ASPRV1: variants seen among roughly 807,000 people sequenced by gnomAD.
ASPRV1 encodes the protein retroviral-like aspartic protease 1.
Under a neutral mutation model 11.0 loss-of-function variants are expected in ASPRV1, and 7 were observed. The ratio of observed to expected loss-of-function variants is 0.64; its 90% CI spans 0.36 to 1.20. The LOEUF (loss-of-function observed/expected upper bound fraction) is 1.20. ASPRV1 is among the 50% of genes most tolerant of loss of function. The pLI is 0.02. For missense variants in ASPRV1, 299 were observed against 320.0 expected, an observed-to-expected ratio of 0.93 and a Z score of 0.50; for synonymous variants, 136 against 138.4, an observed-to-expected ratio of 0.98 and a Z score of 0.12.
At chr2:69,988,987 C>G in the ASPRV1 span, 1 of 325,410 alleles carries the variant, frequency 3.1e-6, no homozygotes, top group Non-Finnish European at 6.2e-6. Flanking sequence ...CTAAAGAACA[C>G]TTTTTTTTTC....
At chr2:69,941,253 A>G in the ASPRV1 span, 3 of 152,206 alleles carry the variant, frequency 2.0e-5, no homozygotes, top group Non-Finnish European at 4.4e-5. Context: ...GAAAATATAT[A>G]TGTGTGCTTC....
the ASPRV1 span, chr2:70,077,420 G>T: frequency 2.0e-5 from 3 of 152,004 alleles, no homozygotes; most frequent in Non-Finnish European, 2.9e-5. Context: ...TTGGAAACAT[G>T]TTACTCTATA....
chr2:70,061,815 T>C, the ASPRV1 span, among the ~76,000 whole-genome samples: 1 of 148,550 alleles, frequency 6.7e-6, no homozygotes, highest in Non-Finnish European at 1.5e-5. Flanking sequence ...ACAAAAAATT[T>C]AGCTGGGTGT....
At chr2:69,946,425 C>T in the ASPRV1 span, among the ~76,000 whole-genome samples, 17 of 152,148 alleles carry the variant, frequency 1.1e-4, no homozygotes, top group African/African-American at 1.7e-4. Context: ...TCTGCTGACC[C>T]GGTCTGTAGA....
At chr2:70,082,589 A>G in the ASPRV1 span, among the ~76,000 whole-genome samples, 2 of 152,182 alleles carry the variant, frequency 1.3e-5, no homozygotes, top group African/African-American at 2.4e-5. Flanking sequence ...ACATGCCTGT[A>G]ATCCCAGCTA....
At chr2:70,028,689 C>G in the ASPRV1 span, 1 of 152,286 alleles carries the variant, frequency 6.6e-6, no homozygotes, top group African/African-American at 2.4e-5. Context: ...GTCATAGTCA[C>G]AAGACTGGGT....
the ASPRV1 span, among the ~76,000 whole-genome samples, chr2:70,065,819 CAAAAAAAAAAAAAAAA>C: frequency 4.4e-5 from 3 of 67,446 alleles, no homozygotes; most frequent in Admixed American, 1.8e-4. Flanking sequence ...GCTTTTGACT[CAAAAAAAAAAAAAAAA>C]AAAAAAAAAG....
the ASPRV1 span, among the ~76,000 whole-genome samples, chr2:69,971,642 G>A: frequency 6.6e-6 from 1 of 152,236 alleles, no homozygotes; most frequent in African/African-American, 2.4e-5. Flanking sequence ...AGTGCGGGGT[G>A]CTAAGAGCAT....
At chr2:70,048,184 G>A in the ASPRV1 span, among the ~76,000 whole-genome samples, 1 of 149,952 alleles carries the variant, frequency 6.7e-6, no homozygotes, top group Non-Finnish European at 1.5e-5. Flanking sequence ...GGGAGGCCGA[G>A]GCGGGCAGAT....
chr2:69,999,041 T>C, the ASPRV1 span, among the ~76,000 whole-genome samples: 2 of 152,156 alleles, frequency 1.3e-5, no homozygotes, highest in African/African-American at 4.8e-5. Context: ...TGACAGTGAG[T>C]TAACTCCTTA....
chr2:69,956,463 AGAAGAAGAAGAAGAAAAGAG>A (rs1368382363), downstream of ASPRV1, among the ~76,000 whole-genome samples: 151 of 149,866 alleles, frequency 1.0e-3, no homozygotes, highest in African/African-American at 2.8e-3. Context: ...AAGAAGAAGA[AGAAGAAGAAGAAGAAAAGAG>A]GAAGAAGAAG....
chr2:69,980,440 T>C, the ASPRV1 span, among the ~76,000 whole-genome samples: 1 of 152,212 alleles, frequency 6.6e-6, no homozygotes, highest in Non-Finnish European at 1.5e-5. Flanking sequence ...TATAAATTTA[T>C]ATGATTTTCA....
At chr2:69,954,023 A>C in the ASPRV1 span, among the ~76,000 whole-genome samples, 3 of 152,136 alleles carry the variant, frequency 2.0e-5, no homozygotes, top group South Asian at 6.2e-4. Context: ...TGGCCAATTC[A>C]CTTTAATTAT....
the ASPRV1 span, among the ~76,000 whole-genome samples, chr2:70,059,459 A>G: frequency 6.6e-6 from 1 of 152,002 alleles, no homozygotes; most frequent in Non-Finnish European, 1.5e-5. Context: ...CAAGTTAATT[A>G]ATCTCTTAGA....
At chr2:70,029,630 T>C in the ASPRV1 span, among the ~76,000 whole-genome samples, 1 of 152,120 alleles carries the variant, frequency 6.6e-6, no homozygotes, top group African/African-American at 2.4e-5. Context: ...AGAGCAAGAC[T>C]CCGTCTCAAA....
the ASPRV1 span, among the ~76,000 whole-genome samples, chr2:70,036,486 G>A: frequency 2.0e-5 from 3 of 152,166 alleles, no homozygotes; most frequent in African/African-American, 7.2e-5. Flanking sequence ...TATAGAATAA[G>A]TGCTGATTTG....
the ASPRV1 span, among the ~76,000 whole-genome samples, chr2:70,045,001 T>C: frequency 6.4e-3 from 978 of 152,316 alleles, 8 homozygotes; most frequent in Middle Eastern, 0.024. Flanking sequence ...CAAAGGCTTT[T>C]TGAAATCCTC....
the ASPRV1 span, among the ~76,000 whole-genome samples, chr2:70,065,060 A>C: frequency 6.6e-6 from 1 of 151,750 alleles, no homozygotes; most frequent in African/African-American, 2.4e-5. Context: ...GAACCACTGC[A>C]CTCCAGCCTG....
the ASPRV1 span, among the ~76,000 whole-genome samples, chr2:70,065,875 A>G: frequency 6.8e-6 from 1 of 147,880 alleles, no homozygotes; most frequent in East Asian, 2.0e-4. Context: ...GAAGGAAAGA[A>G]AAGAAAAATC....
Sources: gnomAD v4.1 joint callset for allele counts (sites outside exome capture counted in the v4.1 genomes callset) on GRCh38, gnomAD v4.1.1 for gene constraint, MANE v1.5 for transcripts, NCBI Gene and HGNC (gene_info 2026-07-23, HGNC 2026-07-21) for gene names.